SKAP2: variants seen among roughly 807,000 people sequenced by gnomAD.
SKAP2 encodes src kinase-associated phosphoprotein 2.
Under a neutral mutation model 54.9 loss-of-function variants are expected in SKAP2, and 28 were observed. The observed-to-expected ratio is 0.51, with a 90% CI of 0.38 to 0.70. The LOEUF (loss-of-function observed/expected upper bound fraction) is 0.70, where lower values mean the gene tolerates loss of function less well. Ranked by LOEUF, SKAP2 falls within the 30% of genes least tolerant of loss-of-function variation. SKAP2 has a pLI of 0.00. For missense variants in SKAP2, 356 were observed against 424.1 expected (o/e 0.84, Z 1.41); for synonymous variants, 137 against 134.3 (o/e 1.02, Z -0.14).
intron 4 of SKAP2, among the ~76,000 whole-genome samples, chr7:26,798,680 A>T (rs1283949250): frequency 6.6e-6 from 1 of 152,208 alleles, no homozygotes; most frequent in Non-Finnish European, 1.5e-5. Flanking sequence ...CTAAATGATG[A>T]ACCAATCAAA....
downstream of SKAP2, among the ~76,000 whole-genome samples, chr7:26,664,266 C>A (rs375421771): frequency 8.5e-5 from 13 of 152,088 alleles, no homozygotes; most frequent in East Asian, 5.8e-4. Flanking sequence ...GAACTTACTT[C>A]ATAGGGTTGT....
intron 4 of SKAP2, among the ~76,000 whole-genome samples, chr7:26,805,790 T>A (rs968667626): frequency 6.6e-6 from 1 of 152,248 alleles, no homozygotes; most frequent in Non-Finnish European, 1.5e-5. Flanking sequence ...AATGTGAGAA[T>A]AAAAGGTTTA....
intron 7 of SKAP2, 37 bp from the exon 8 acceptor site, chr7:26,726,023 T>C (rs201344888): frequency 3.0e-6 from 4 of 1,333,278 alleles, no homozygotes; most frequent in South Asian, 1.2e-5. Flanking sequence ...AAAATCACCA[T>C]AGTAGGAATG....
At chr7:26,741,125 T>C (rs896562974) in intron 4 of SKAP2, among the ~76,000 whole-genome samples, 1 of 151,858 alleles carries the variant, frequency 6.6e-6, no homozygotes, top group African/African-American at 2.4e-5. Context: ...GGATAGAAAA[T>C]GTGTTTGAGT....
At chr7:26,804,556 T>C (rs1783984378) in intron 4 of SKAP2, among the ~76,000 whole-genome samples, 1 of 151,938 alleles carries the variant, frequency 6.6e-6, no homozygotes, top group Non-Finnish European at 1.5e-5. Flanking sequence ...CTGGCTAATG[T>C]GGTGAAACGC....
At chr7:26,821,233 G>C (rs1237136499) in intron 4 of SKAP2, among the ~76,000 whole-genome samples, 1 of 152,072 alleles carries the variant, frequency 6.6e-6, no homozygotes, top group Non-Finnish European at 1.5e-5. Flanking sequence ...AACATAACAT[G>C]ATGCCTGAAT....
chr7:26,780,025 T>C (rs1783393806), intron 4 of SKAP2, among the ~76,000 whole-genome samples: 1 of 151,984 alleles, frequency 6.6e-6, no homozygotes, highest in African/African-American at 2.4e-5. Context: ...AAATATAATA[T>C]ATTCAATAGA....
At chr7:26,713,574 T>C (rs1375357374) in intron 9 of SKAP2, among the ~76,000 whole-genome samples, 6 of 151,972 alleles carry the variant, frequency 3.9e-5, no homozygotes, top group Admixed American at 2.6e-4. Context: ...TGTAATACAG[T>C]GCTAAGATGC....
intron 4 of SKAP2, among the ~76,000 whole-genome samples, chr7:26,788,820 G>A (rs1337008603): frequency 1.3e-5 from 2 of 150,728 alleles, no homozygotes; most frequent in Non-Finnish European, 2.9e-5. Context: ...AGATACACAC[G>A]TGCGCACACA....
intron 4 of SKAP2, among the ~76,000 whole-genome samples, chr7:26,801,729 A>G (rs1187288254): frequency 6.6e-6 from 1 of 152,238 alleles, no homozygotes; most frequent in Non-Finnish European, 1.5e-5. Flanking sequence ...AATGTGAAAA[A>G]GAAATTTAAA....
intron 9 of SKAP2, among the ~76,000 whole-genome samples, chr7:26,717,895 T>C (rs1787495051): frequency 6.6e-6 from 1 of 151,648 alleles, no homozygotes; most frequent in Admixed American, 6.6e-5. Context: ...TTTTTAAAAG[T>C]GTCAAGATAT....
chr7:26,730,386 T>C lies in SKAP2; in HGVS notation c.470-3380A>G, dbSNP rs539950347. ...AGACTAATATTTTATCTAGGTGAACTTCACAAATAGCAAAAGCTTATTCCT... is the reference window on the plus strand; with the variant it reads ...AGACTAATATTTTATCTAGGTGAACCTCACAAATAGCAAAAGCTTATTCCT... On this transcript the variant is annotated intron_variant, in intron 6 of 12. Coordinates refer to ENST00000345317, the MANE Select transcript of SKAP2 (RefSeq NM_003930.5). Among the ~76,000 whole-genome samples, 46 of 152,340 alleles carry C rather than the reference T, an allele frequency of 3.0e-4. 1 individual carries two copies. The Middle Eastern group carries it at 0.014, about 45-fold the overall frequency.
intron 4 of SKAP2, among the ~76,000 whole-genome samples, chr7:26,825,848 T>C (rs949040245): frequency 1.3e-5 from 2 of 152,184 alleles, no homozygotes; most frequent in East Asian, 3.8e-4. Context: ...TGAATGTATA[T>C]CTATAACTAT....
At position 26,735,710 on chromosome 7, in the gene SKAP2, G is replaced by A. The variant is rs184367783; in HGVS notation, c.469+3085C>T. Among the ~76,000 whole-genome samples the A allele has an allele frequency of 8.6e-5, 13 of 152,040 alleles. No homozygotes were observed. In the East Asian group the frequency reaches 2.3e-3, roughly 27 times the overall value. ...GCTAGATATGAGTTCTTCCCATTAG[G>A]TAAATGGTTCACACATACAGTAAAC... On this transcript the variant is annotated intron_variant, in intron 6 of 12. Coordinates refer to ENST00000345317, the MANE Select transcript of SKAP2 (RefSeq NM_003930.5).
chr7:26,719,648 A>G (rs185661773), intron 9 of SKAP2, among the ~76,000 whole-genome samples: 1 of 152,354 alleles, frequency 6.6e-6, no homozygotes, highest in Admixed American at 6.5e-5. Flanking sequence ...TCATGAAAAT[A>G]GAGAAAATGC....
At position 26,690,311 on chromosome 7, in the gene SKAP2, C is replaced by T; in HGVS notation, c.848G>A (p.Ser283Asn). Residue 283 changes from serine to asparagine, a missense_variant, in exon 10 of 13, where the codon AGT becomes AAT. By Grantham distance (46) the Ser-to-Asn change is conservative. Transcript: ENST00000345317. ...TGAGGTGTGATGGACACTATCCTGACTCATCTTCCTTTGTTCTTCCACTTT... is the reference window on the plus strand; with the variant it reads ...TGAGGTGTGATGGACACTATCCTGATTCATCTTCCTTTGTTCTTCCACTTT... ...PVKVEEQRKM[S>N]QDSVHHTSGD... is the part of the protein sequence containing the mutation. 6.2e-7 allele frequency: 1 copy of T among 1,612,370 alleles called. No individual in the cohort carries two copies. Among genetic ancestry groups the T allele is most frequent in the Non-Finnish European group, 8.5e-7 (1 of 1,178,474 alleles).
intron 4 of SKAP2, among the ~76,000 whole-genome samples, chr7:26,834,395 T>C (rs1784663295): frequency 6.6e-6 from 1 of 151,902 alleles, no homozygotes. Flanking sequence ...AAAAAATCAA[T>C]GAATTCAGGA....
intron 4 of SKAP2, among the ~76,000 whole-genome samples, chr7:26,748,250 T>C (rs1039428613): frequency 4.1e-4 from 62 of 152,192 alleles, no homozygotes; most frequent in African/African-American, 1.4e-3. Context: ...AGTTATCACA[T>C]TGTTAAAATA....
rs1264969383 is a variant in SKAP2 at position 26,857,601 on chromosome 7, CTGCGAGA to C, written c.68-2718_68-2712del. ...CAAGCGCCGCAAAGAAGTTGTAGGG[CTGCGAGA>C]TGCTCCAGCTCTGCCCTCTGAGAAA... On this transcript the variant is annotated intron_variant, in intron 1 of 12. Transcript: ENST00000345317. The C allele has an allele frequency of 6.1e-6, 6 of 985,292 alleles. No individual in the cohort carries two copies. The Admixed American group carries it at 3.7e-4, about 61-fold the overall frequency. The allele number at this position is 985,292 out of a possible 1,614,324, so 61.0% of individuals were successfully genotyped here.
Sources: gnomAD v4.1 joint callset for allele counts (sites outside exome capture counted in the v4.1 genomes callset) on GRCh38, gnomAD v4.1.1 for gene constraint, MANE v1.5 for transcripts, NCBI Gene and HGNC (gene_info 2026-07-23, HGNC 2026-07-21) for gene names.